The following FHIT variants were observed in gnomAD, a reference collection of about 807,000 sequenced individuals.
FHIT encodes fragile histidine triad diadenosine triphosphatase.
Under a neutral mutation model 17.9 loss-of-function variants are expected in FHIT, and 19 were observed. The ratio of observed to expected loss-of-function variants is 1.06; its 90% CI spans 0.74 to 1.56. The LOEUF (loss-of-function observed/expected upper bound fraction) is 1.56, where lower values mean the gene tolerates loss of function less well. FHIT is among the 40% of genes most tolerant of loss of function. The probability of loss-of-function intolerance (pLI) is 0.00; values close to 1 mark genes in which losing one functional copy is unlikely to be tolerated. For synonymous variants in FHIT, 81 were observed against 69.7 expected, an observed-to-expected ratio of 1.16 and a Z score of -0.81; for missense variants, 248 against 189.2, an observed-to-expected ratio of 1.31 and a Z score of -1.82.
chr3:60,448,828 G>A (rs1341587678), intron 5 of FHIT, among the ~76,000 whole-genome samples: 1 of 152,142 alleles, frequency 6.6e-6, no homozygotes, highest in Non-Finnish European at 1.5e-5. Context: ...CATGGTTTAT[G>A]AAATCTTTAT....
At chr3:61,019,683 C>T (rs796667773) in intron 3 of FHIT, among the ~76,000 whole-genome samples, 7 of 152,200 alleles carry the variant, frequency 4.6e-5, no homozygotes, top group African/African-American at 1.7e-4. Context: ...AACACAGATT[C>T]TTTTCTCTAT....
At position 60,220,293 on chromosome 3, in the gene FHIT, G is replaced by C. The variant is rs571373823; in HGVS notation, c.104-206141C>G. 3.3e-5 allele frequency among the ~76,000 whole-genome samples: 5 copies of C among 152,036 alleles called. No homozygotes were observed. The South Asian group carries it at 1.0e-3, about 32-fold the overall frequency. ...GATAAAACTGGGTATAAATGCTCTGGCCTGAATATATTTCCTATCTACCTC... is the reference window on the plus strand; with the variant it reads ...GATAAAACTGGGTATAAATGCTCTGCCCTGAATATATTTCCTATCTACCTC... On this transcript the variant is annotated intron_variant, in intron 5 of 9. Transcript: ENST00000492590.
intron 3 of FHIT, among the ~76,000 whole-genome samples, chr3:60,846,109 C>T (rs1241341473): frequency 6.6e-6 from 1 of 152,118 alleles, no homozygotes; most frequent in Non-Finnish European, 1.5e-5. Context: ...AATCTGAGGG[C>T]TCTGCTTGTC....
chr3:61,150,297 T>C (rs953480528), intron 2 of FHIT, among the ~76,000 whole-genome samples: 1 of 152,080 alleles, frequency 6.6e-6, no homozygotes, highest in African/African-American at 2.4e-5. Context: ...AGATTTTTTT[T>C]TGGAAATGTG....
intron 2 of FHIT, among the ~76,000 whole-genome samples, chr3:61,178,085 T>C (rs945490750): frequency 1.3e-5 from 2 of 152,224 alleles, no homozygotes; most frequent in African/African-American, 4.8e-5. Flanking sequence ...AGAATTCTTC[T>C]TAGGACCACC....
At chr3:60,749,697 A>G (rs1213735703) in intron 4 of FHIT, among the ~76,000 whole-genome samples, 1 of 152,218 alleles carries the variant, frequency 6.6e-6, no homozygotes, top group African/African-American at 2.4e-5. Flanking sequence ...CTAGGAGACA[A>G]TTGGAAACGT....
At chr3:61,101,545 C>G (rs1051483510) in intron 2 of FHIT, among the ~76,000 whole-genome samples, 1 of 152,216 alleles carries the variant, frequency 6.6e-6, no homozygotes, top group Non-Finnish European at 1.5e-5. Context: ...AATGCAGGCT[C>G]TTTTTTGGTT....
chr3:60,871,593 C>T (rs1229837673), intron 3 of FHIT, among the ~76,000 whole-genome samples: 1 of 152,186 alleles, frequency 6.6e-6, no homozygotes, highest in East Asian at 1.9e-4. Context: ...GGAATGGTGA[C>T]ATATTTAACG....
chr3:60,115,938 T>G (rs1350582331), intron 5 of FHIT, among the ~76,000 whole-genome samples: 1 of 152,202 alleles, frequency 6.6e-6, no homozygotes, highest in East Asian at 1.9e-4. Context: ...TTTACTCAAA[T>G]GTTAATGATG....
intron 1 of FHIT, among the ~76,000 whole-genome samples, chr3:61,233,728 G>A (rs756027114): frequency 1.3e-5 from 2 of 151,998 alleles, no homozygotes; most frequent in Non-Finnish European, 2.9e-5. Context: ...TTTTAATCAG[G>A]CTAACAACTC....
At chr3:60,463,344 G>A (rs1464667014) in intron 5 of FHIT, among the ~76,000 whole-genome samples, 3 of 152,126 alleles carry the variant, frequency 2.0e-5, no homozygotes, top group African/African-American at 7.2e-5. Context: ...TTTCCCTAAA[G>A]AGAACATAAT....
chr3:60,810,688 A>T (rs1167767755), intron 4 of FHIT, among the ~76,000 whole-genome samples: 4 of 152,152 alleles, frequency 2.6e-5, no homozygotes, highest in African/African-American at 9.7e-5. Flanking sequence ...TCAAGTCTTG[A>T]TGAAGAAATT....
chr3:60,193,485 A>G (rs932603273), intron 5 of FHIT, among the ~76,000 whole-genome samples: 2 of 152,250 alleles, frequency 1.3e-5, no homozygotes, highest in African/African-American at 2.4e-5. Context: ...TTAGTTGGCT[A>G]AAGAGCTTCC....
intron 4 of FHIT, among the ~76,000 whole-genome samples, chr3:60,649,588 TA>T (rs1553687697): frequency 6.6e-6 from 1 of 152,134 alleles, no homozygotes; most frequent in Non-Finnish European, 1.5e-5. Flanking sequence ...TGATACGTGG[TA>T]AAATAAAACA....
chr3:59,891,961 T>G (rs1466586195), intron 8 of FHIT, among the ~76,000 whole-genome samples: 1 of 152,142 alleles, frequency 6.6e-6, no homozygotes, highest in Non-Finnish European at 1.5e-5. Flanking sequence ...TGAAACTGCG[T>G]TGTCTCCAAA....
At chr3:60,014,276 A>G (rs1316969557) in intron 5 of FHIT, 124 bp from the exon 6 acceptor site, 4 of 867,996 alleles carry the variant, frequency 4.6e-6, no homozygotes, top group Non-Finnish European at 7.0e-6. Context: ...TAAGGAATGA[A>G]GAAACAGATA....
chr3:60,990,794 A>G (rs1463688511), intron 3 of FHIT, among the ~76,000 whole-genome samples: 1 of 152,218 alleles, frequency 6.6e-6, no homozygotes, highest in South Asian at 2.1e-4. Context: ...GACCTCCCAC[A>G]GCATGTAAAG....
chr3:60,440,004 C>T (rs182901171), intron 5 of FHIT, among the ~76,000 whole-genome samples: 62 of 152,178 alleles, frequency 4.1e-4, no homozygotes, highest in African/African-American at 1.4e-3. Context: ...TACTTCACAT[C>T]GACAGCCCCA....
chr3:60,302,474 C>G (rs930651999), intron 5 of FHIT, among the ~76,000 whole-genome samples: 2 of 152,138 alleles, frequency 1.3e-5, no homozygotes, highest in Admixed American at 6.6e-5. Context: ...TATTTCTTTT[C>G]TTCCTCCACA....
Sources: allele counts gnomAD v4.1 joint callset (sites outside exome capture counted in the v4.1 genomes callset), GRCh38; gene constraint gnomAD v4.1.1; transcripts MANE v1.5; gene names NCBI Gene and HGNC (gene_info 2026-07-23, HGNC 2026-07-21).